ITFG1: variants seen among roughly 807,000 people sequenced by gnomAD.
ITFG1 encodes T-cell immunomodulatory protein.
In ITFG1, 34 loss-of-function variants were observed where a neutral mutation model predicts 81.8. The ratio of observed to expected loss-of-function variants is 0.42; its 90% CI spans 0.32 to 0.55. ITFG1 has a LOEUF of 0.55. Among genes scored for constraint, ITFG1 ranks in the 20% least tolerant of loss-of-function variants. ITFG1 has a pLI of 0.17. For missense variants in ITFG1, 672 were observed against 755.4 expected, an observed-to-expected ratio of 0.89 and a Z score of 1.29; for synonymous variants, 285 against 270.6, an observed-to-expected ratio of 1.05 and a Z score of -0.52.
At chr16:47,446,326 C>G (rs956433778) in intron 5 of ITFG1, among the ~76,000 whole-genome samples, 8 of 152,176 alleles carry the variant, frequency 5.3e-5, no homozygotes, top group African/African-American at 1.9e-4. Context: ...TCAATGAGAA[C>G]TCAAAGGTGC....
chr16:47,244,470 C>T (rs1482037555), intron 12 of ITFG1, among the ~76,000 whole-genome samples: 1 of 152,114 alleles, frequency 6.6e-6, no homozygotes, highest in African/African-American at 2.4e-5. Flanking sequence ...AGAATCCCTA[C>T]ATATTTTGGT....
chr16:47,195,811 A>G (rs1025035849), intron 14 of ITFG1, among the ~76,000 whole-genome samples: 1 of 152,130 alleles, frequency 6.6e-6, no homozygotes, highest in African/African-American at 2.4e-5. Context: ...ACATAGGTAT[A>G]CGTGTGCCAT....
intron 5 of ITFG1, among the ~76,000 whole-genome samples, chr16:47,434,947 T>G (rs1444917805): frequency 6.6e-6 from 1 of 152,142 alleles, no homozygotes; most frequent in African/African-American, 2.4e-5. Flanking sequence ...ACATTACATG[T>G]TCTCACTTAT....
rs533653491 is a variant in ITFG1 at position 47,440,638 on chromosome 16, C to T, written c.560+10758G>A. Among the ~76,000 whole-genome samples, 10 of 152,030 alleles carry T rather than the reference C, an allele frequency of 6.6e-5. 1 individual carries two copies. Among genetic ancestry groups the T allele is most frequent in the South Asian group, 6.2e-4 (3 of 4,808 alleles). On this transcript the variant is annotated intron_variant, in intron 5 of 17. Transcript: ENST00000320640. ...AAATAAAGATGTTCTTCGAAACCAA[C>T]GAGAACAAAGACACAACATACCAGA...
chr16:47,331,273 C>T (rs1967633529), intron 8 of ITFG1, among the ~76,000 whole-genome samples: 1 of 152,030 alleles, frequency 6.6e-6, no homozygotes, highest in Non-Finnish European at 1.5e-5. Context: ...CCTGGATACC[C>T]ATGGACGTAA....
intron 12 of ITFG1, among the ~76,000 whole-genome samples, chr16:47,239,855 C>A (rs938838462): frequency 3.3e-5 from 5 of 152,180 alleles, no homozygotes; most frequent in Non-Finnish European, 7.3e-5. Flanking sequence ...TTCATTTAAA[C>A]CATTATCTTG....
chr16:47,360,281 T>G (rs1485634036), intron 8 of ITFG1, among the ~76,000 whole-genome samples: 2 of 152,206 alleles, frequency 1.3e-5, no homozygotes, highest in Admixed American at 6.5e-5. Flanking sequence ...CTGTATTTAC[T>G]TGATAATTTC....
At chr16:47,224,397 T>G (rs1274729906) in intron 13 of ITFG1, among the ~76,000 whole-genome samples, 1 of 152,184 alleles carries the variant, frequency 6.6e-6, no homozygotes, top group Admixed American at 6.5e-5. Flanking sequence ...TAGAAGTCCA[T>G]GAACATATGC....
chr16:47,295,106 A>C (rs1012999507), intron 10 of ITFG1, among the ~76,000 whole-genome samples: 2 of 152,170 alleles, frequency 1.3e-5, no homozygotes, highest in African/African-American at 4.8e-5. Flanking sequence ...GCATTTACTG[A>C]GATGATCATA....
chr16:47,169,456 A>G (rs532941118), intron 14 of ITFG1, among the ~76,000 whole-genome samples: 128 of 152,034 alleles, frequency 8.4e-4, no homozygotes, highest in African/African-American at 2.9e-3. Flanking sequence ...TAAATGTTGC[A>G]AACTGAACTA....
At chr16:47,349,222 C>T (rs199839866) in intron 8 of ITFG1, among the ~76,000 whole-genome samples, 41 of 152,204 alleles carry the variant, frequency 2.7e-4, no homozygotes, top group African/African-American at 8.2e-4. Flanking sequence ...ATTAACATTA[C>T]ATGTAAATGG....
At position 47,311,185 on chromosome 16, in the gene ITFG1, GCAAATATTTCTCACATAGTTTA is replaced by G. The variant is rs767667016; in HGVS notation, c.1070+33_1070+54del. The G allele has an allele frequency of 4.0e-4, 525 of 1,324,576 alleles. 4 individuals carry two copies. Among genetic ancestry groups the G allele is most frequent in the Middle Eastern group, 2.5e-3 (13 of 5,250 alleles). The allele number at this position is 1,324,576 out of a possible 1,614,324, so 82.1% of individuals were successfully genotyped here. A position where few individuals can be genotyped will look rare whatever the true frequency, so the allele number is the denominator to read the frequency against. Reference sequence around the variant, plus strand: ...ATTCAGTTGCAAAGTACCATGGTTTGCAAATATTTCTCACATAGTTTACAAATATTTCTCACTTGATTTAATT... The same window carrying G: ...ATTCAGTTGCAAAGTACCATGGTTTGCAAATATTTCTCACTTGATTTAATT... On this transcript the variant is annotated intron_variant, in intron 10 of 17. Coordinates refer to ENST00000320640, the MANE Select transcript of ITFG1 (RefSeq NM_030790.5).
At chr16:47,447,337 T>A (rs193152364) in intron 5 of ITFG1, among the ~76,000 whole-genome samples, 1 of 152,318 alleles carries the variant, frequency 6.6e-6, no homozygotes, top group African/African-American at 2.4e-5. Flanking sequence ...AAGAAGATGA[T>A]CTTTCTGAAT....
chr16:47,195,935 T>A (rs191438256), intron 14 of ITFG1, among the ~76,000 whole-genome samples: 38 of 152,292 alleles, frequency 2.5e-4, no homozygotes, highest in Admixed American at 1.2e-3. Flanking sequence ...GTTCTCAATG[T>A]TCAACTCCCA....
chr16:47,327,951 G>C (rs900522368), intron 8 of ITFG1, among the ~76,000 whole-genome samples: 1 of 152,136 alleles, frequency 6.6e-6, no homozygotes, highest in Admixed American at 6.5e-5. Context: ...AATACCATTT[G>C]ACCCAGCCAT....
chr16:47,376,962 C>A (rs7191928), intron 6 of ITFG1, among the ~76,000 whole-genome samples: 109,504 of 111,298 alleles, frequency 0.98, 54,064 homozygotes, highest in Middle Eastern at 1. Flanking sequence ...ACTCTGTCTC[C>A]CCAAAAAAAA....
chr16:47,405,967 T>C (rs1348023204), intron 6 of ITFG1, among the ~76,000 whole-genome samples: 2 of 152,196 alleles, frequency 1.3e-5, no homozygotes, highest in Non-Finnish European at 2.9e-5. Flanking sequence ...CAGAAGTGTT[T>C]AGTCCAGGAA....
chr16:47,159,112 C>A (rs2151505199), intron 16 of ITFG1, 122 bp from the exon 17 acceptor site: 1 of 458,018 alleles, frequency 2.2e-6, no homozygotes, highest in East Asian at 3.5e-5. Context: ...TTAAACCATT[C>A]ATTCATCAGT....
At chr16:47,403,761 T>TACACACACACACACAC (rs55978309) in intron 6 of ITFG1, among the ~76,000 whole-genome samples, 5 of 133,168 alleles carry the variant, frequency 3.8e-5, no homozygotes, top group Non-Finnish European at 6.4e-5. Flanking sequence ...TCTCTCTTGG[T>TACACACACACACACAC]ACACACACAC....
Sources: allele counts gnomAD v4.1 joint callset (sites outside exome capture counted in the v4.1 genomes callset), GRCh38; gene constraint gnomAD v4.1.1; transcripts MANE v1.5; gene names NCBI Gene and HGNC (gene_info 2026-07-23, HGNC 2026-07-21).